Variants in RSKR observed in about 807,000 individuals in gnomAD.
RSKR encodes ribosomal protein S6 kinase related.
A neutral mutation model predicts 56.8 loss-of-function variants in RSKR; 44 were observed. The ratio of observed to expected loss-of-function variants is 0.77; its 90% CI spans 0.61 to 1.00. The LOEUF (loss-of-function observed/expected upper bound fraction) is 1.00. Among genes scored for constraint, RSKR ranks in the 50% least tolerant of loss-of-function variants. The pLI, the probability that RSKR is intolerant of heterozygous loss-of-function variation, is 0.00. For synonymous variants in RSKR, 181 were observed against 188.0 expected, an observed-to-expected ratio of 0.96 and a Z score of 0.30; for missense variants, 510 against 506.9, an observed-to-expected ratio of 1.01 and a Z score of -0.06.
rs1160492156 is a variant in RSKR at position 28,611,230 on chromosome 17, ATC to A, written c.922_923del (p.Asp308SerfsTer12). On this transcript the variant is annotated frameshift_variant, in exon 11 of 12. Coordinates refer to ENST00000301037, the MANE Select transcript of RSKR (RefSeq NM_001174103.2). LOFTEE classifies it high-confidence loss of function. The part of the protein sequence containing the change: ...TGKFPVAAER[D>X]HVAMLASVTH... ...TCACACTTGCCAACATGGCCACATG[ATC>A]TCTCTCTGCAGCCACTGGAAACTGA... The A allele has an allele frequency of 1.7e-5, 26 of 1,536,102 alleles. 1 individual carries two copies. Among genetic ancestry groups the A allele is most frequent in the Non-Finnish European group, 2.1e-5 (24 of 1,146,876 alleles).
Position 28,612,705 on chromosome 17 carries a change from AG to A in RSKR, c.478-19del, listed in dbSNP as rs751917006. On this transcript the variant is annotated intron_variant, in intron 4 of 11. Coordinates refer to ENST00000301037, the MANE Select transcript of RSKR (RefSeq NM_001174103.2). ...ATCTGTCGCTAGGAACAAAGAAAAC[AG>A]GAAGTTAGGGAGGAACAGGGTCATT... 2.7e-5 allele frequency: 43 copies of A among 1,613,432 alleles called. No individual in the cohort carries two copies. The Admixed American group carries it at 4.3e-4, about 16-fold the overall frequency.
intron 8 of RSKR, 43 bp downstream of exon 8, chr17:28,611,724 CA>C (rs755475861): frequency 6.8e-6 from 11 of 1,613,810 alleles, no homozygotes; most frequent in African/African-American, 1.3e-5. Context: ...ATTCCCAAAC[CA>C]AAGTACCTCT....
chr17:28,611,661 G>A lies in RSKR; in HGVS notation c.722-5C>T, dbSNP rs1597607294. On this transcript the variant is annotated splice_polypyrimidine_tract_variant and splice_region_variant and intron_variant, in intron 8 of 11. Coordinates refer to ENST00000301037, the MANE Select transcript of RSKR (RefSeq NM_001174103.2). ...AGTCTGTCAGTTTCAGATGGCCTAT[G>A]AAAGAAGGTAAGGCAACTGCACCAC... 3 of 1,599,294 alleles carry A rather than the reference G, an allele frequency of 1.9e-6. No individual in the cohort carries two copies. Among genetic ancestry groups the A allele is most frequent in the South Asian group, 1.1e-5 (1 of 88,028 alleles).
At chr17:28,613,025 C>A (rs762077322) in intron 4 of RSKR, 53 bp downstream of exon 4, 1 of 1,580,106 alleles carries the variant, frequency 6.3e-7, no homozygotes, top group South Asian at 1.1e-5. Flanking sequence ...AAGGTACTTT[C>A]CCTACCTGTG....
chr17:28,613,055 C>G (rs758290666), intron 4 of RSKR, 23 bp downstream of exon 4: 22 of 1,613,660 alleles, frequency 1.4e-5, no homozygotes. Context: ...TTCCCACAAT[C>G]CTTTCCAGGA....
chr17:28,613,194 T>C (rs1354945310), intron 3 of RSKR, 48 bp from the exon 4 acceptor site: 2 of 1,613,372 alleles, frequency 1.2e-6, no homozygotes, highest in East Asian at 4.5e-5. Context: ...TATTGAATTG[T>C]TTATTCCTCC....
intron 6 of RSKR, 34 bp downstream of exon 6, chr17:28,612,228 C>A: frequency 6.2e-7 from 1 of 1,608,174 alleles, no homozygotes; most frequent in Non-Finnish European, 8.5e-7. Flanking sequence ...CTTAAATCTT[C>A]CCTCCCCATT....
intron 4 of RSKR, 194 bp from the exon 5 acceptor site, chr17:28,612,881 T>C: frequency 1.4e-6 from 1 of 740,136 alleles, no homozygotes; most frequent in African/African-American, 1.8e-5. Flanking sequence ...CACTGGGACA[T>C]GCTTCAGAGA....
At chr17:28,612,193 A>G (rs796254072) in intron 6 of RSKR, 69 bp downstream of exon 6, 2 of 1,586,002 alleles carry the variant, frequency 1.3e-6, no homozygotes, top group African/African-American at 2.7e-5. Context: ...TATTAATATT[A>G]ATTTTTTACT....
At chr17:28,612,902 AGGACATGGGAAAACTGTG>A in intron 4 of RSKR, 158 bp downstream of exon 4, 1 of 769,042 alleles carries the variant, frequency 1.3e-6, no homozygotes, top group East Asian at 2.6e-5. Flanking sequence ...TTTCCCTAGT[AGGACATGGGAAAACTGTG>A]TTGAGAGCTG....
At chr17:28,611,513 T>C (rs1301147205) in intron 9 of RSKR, 32 bp from the exon 10 acceptor site, 11 of 1,577,990 alleles carry the variant, frequency 7.0e-6, no homozygotes, top group Non-Finnish European at 9.4e-6. Context: ...ATCACAGACA[T>C]CCTTTAGCTA....
At chr17:28,611,534 C>T in intron 9 of RSKR, 33 bp downstream of exon 9, 3 of 1,563,810 alleles carry the variant, frequency 1.9e-6, no homozygotes, top group Non-Finnish European at 2.6e-6. Flanking sequence ...TCCTCCTGCC[C>T]AATGCTTACC....
chr17:28,612,114 A>G, intron 6 of RSKR, 30 bp from the exon 7 acceptor site: 1 of 1,613,230 alleles, frequency 6.2e-7, no homozygotes, highest in Non-Finnish European at 8.5e-7. Context: ...GGTATGCTGC[A>G]GCTTTTCTGT....
chr17:28,611,115 C>T, intron 11 of RSKR, 28 bp downstream of exon 11: 1 of 1,510,494 alleles, frequency 6.6e-7, no homozygotes, highest in East Asian at 2.5e-5. Flanking sequence ...GTTTCGTAGC[C>T]AAGAAGGAAA....
At chr17:28,613,193 GT>G in intron 3 of RSKR, 47 bp from the exon 4 acceptor site, 1 of 1,613,052 alleles carries the variant, frequency 6.2e-7, no homozygotes, top group Non-Finnish European at 8.5e-7. Flanking sequence ...CTATTGAATT[GT>G]TTATTCCTCC....
Position 28,610,333 on chromosome 17 carries a change from G to T in RSKR, c.*145C>A. Reference sequence around the variant, plus strand: ...CTGCCAGTAGCAGAATGTCCAGGTTGGAACTCTGGTCTAAAGCCTAGGAGA... The same window carrying T: ...CTGCCAGTAGCAGAATGTCCAGGTTTGAACTCTGGTCTAAAGCCTAGGAGA... On this transcript the variant is annotated 3_prime_UTR_variant, in exon 12 of 12. Transcript: ENST00000301037. The T allele has an allele frequency of 5.5e-6, 4 of 721,372 alleles. No homozygotes were observed. Among genetic ancestry groups the T allele is most frequent in the Non-Finnish European group, 9.0e-6 (4 of 443,918 alleles). The allele number at this position is 721,372 out of a possible 1,614,324, so 44.7% of individuals were successfully genotyped here. A position where few individuals can be genotyped will look rare whatever the true frequency, so the allele number is the denominator to read the frequency against.
In RSKR at chr17:28,610,705, G is replaced by C. The variant is rs1187502394; in HGVS notation, c.1012-6C>G. 6.5e-7 allele frequency: 1 copy of C among 1,535,870 alleles called. No individual in the cohort carries two copies. Among genetic ancestry groups the C allele is most frequent in the South Asian group, 1.2e-5 (1 of 84,044 alleles). ...AGGGGGTTCTGGCATAAGAGCTGAAGGAAAATAGAGCATGAAGGATGAGTG... is the reference window on the plus strand; with the variant it reads ...AGGGGGTTCTGGCATAAGAGCTGAACGAAAATAGAGCATGAAGGATGAGTG... On this transcript the variant is annotated splice_region_variant and splice_polypyrimidine_tract_variant and intron_variant, in intron 11 of 11. Coordinates refer to ENST00000301037, the MANE Select transcript of RSKR (RefSeq NM_001174103.2).
intron 4 of RSKR, 143 bp from the exon 5 acceptor site, chr17:28,612,830 G>A (rs2070839078): frequency 1.2e-6 from 1 of 819,000 alleles, no homozygotes; most frequent in Non-Finnish European, 2.0e-6. Flanking sequence ...ATTTGGAACT[G>A]ACTATCTGGT....
chr17:28,611,374 A>T lies in RSKR; in HGVS notation c.900+19T>A. ...AAGGCAAAGCTCTTCTCTGCCCAAAACTACTACTATTCTCTCACCTTTCCA... is the reference window on the plus strand; with the variant it reads ...AAGGCAAAGCTCTTCTCTGCCCAAATCTACTACTATTCTCTCACCTTTCCA... On this transcript the variant is annotated intron_variant, in intron 10 of 11. Transcript: ENST00000301037. 6.4e-7 allele frequency: 1 copy of T among 1,554,692 alleles called. No individual in the cohort carries two copies. The highest frequency in any genetic ancestry group is 8.6e-7 in the Non-Finnish European group (1 of 1,156,132).
Sources: allele counts gnomAD v4.1 joint callset, GRCh38; gene constraint gnomAD v4.1.1; transcripts MANE v1.5; gene names NCBI Gene and HGNC (gene_info 2026-07-23, HGNC 2026-07-21).